The following SYNPO2 variants were observed in gnomAD, a reference collection of about 807,000 sequenced individuals.
SYNPO2 encodes synaptopodin-2.
SYNPO2 carries 56 observed loss-of-function variants against 85.0 expected under a neutral mutation model. That is an observed-to-expected ratio of 0.66 (90% confidence interval 0.53 to 0.82). The LOEUF (loss-of-function observed/expected upper bound fraction) is 0.82, where lower values mean the gene tolerates loss of function less well. SYNPO2 is among the 40% of genes least tolerant of loss of function. The pLI is 0.00. For synonymous variants in SYNPO2, 602 were observed against 591.1 expected (o/e 1.02, Z -0.27); for missense variants, 1,575 against 1,534.2 (o/e 1.03, Z -0.44).
chr4:119,011,030 TAGG>T (rs1329999493), intron 1 of SYNPO2, among the ~76,000 whole-genome samples: 2 of 152,200 alleles, frequency 1.3e-5, no homozygotes, highest in Non-Finnish European at 2.9e-5. Flanking sequence ...CTGAAATAAA[TAGG>T]AGAACTATTA....
At chr4:118,896,463 A>C (rs1184901325) in intron 1 of SYNPO2, among the ~76,000 whole-genome samples, 1 of 152,234 alleles carries the variant, frequency 6.6e-6, no homozygotes, top group Non-Finnish European at 1.5e-5. Context: ...AATTTCTGAA[A>C]CAGATTCATT....
chr4:118,934,986 A>C (rs1273187433), intron 1 of SYNPO2, among the ~76,000 whole-genome samples: 2 of 152,200 alleles, frequency 1.3e-5, no homozygotes, highest in Non-Finnish European at 2.9e-5. Flanking sequence ...TATATATTAA[A>C]ATATTAATAG....
rs10031000 is a variant in SYNPO2, at chr4:118,996,324, A to T, written c.106-27106A>T. Among the ~76,000 whole-genome samples the T allele has an allele frequency of 3.9e-5, 6 of 152,092 alleles. No homozygotes were observed. In the East Asian group the frequency reaches 1.2e-3, roughly 29 times the overall value. ...TCCTCTAGAAAGGTTTCCCAAAATG[A>T]TCAGCCACCCCCTTCGTCCACCACT... On this transcript the variant is annotated intron_variant, in intron 1 of 4. Coordinates refer to ENST00000307142, the MANE Select transcript of SYNPO2 (RefSeq NM_133477.3).
rs761304513 is a variant in SYNPO2, at chr4:119,057,522, C to G, written c.3374C>G (p.Ala1125Gly). ...AAACCAACCGATGGACTAGAGAAAG[C>G]AAACAAGAGACCAACTCCTTGGGAA... ...SSKPTDGLEK[A>G]NKRPTPWEAA... The change falls in exon 5 of 5, where the codon GCA becomes GGA. Residue 1125 changes from alanine (A) to glycine (G), a missense_variant. Coordinates refer to ENST00000307142, the MANE Select transcript of SYNPO2 (RefSeq NM_133477.3). 1.9e-6 allele frequency: 3 copies of G among 1,614,078 alleles called. No individual in the cohort carries two copies. Among genetic ancestry groups the G allele is most frequent in the South Asian group, 1.1e-5 (1 of 91,064 alleles).
intron 1 of SYNPO2, among the ~76,000 whole-genome samples, chr4:118,984,522 C>T (rs1361588543): frequency 6.6e-6 from 1 of 152,186 alleles, no homozygotes; most frequent in Non-Finnish European, 1.5e-5. Flanking sequence ...CTCTGACACA[C>T]TCCACAGGCC....
At chr4:119,054,214 T>C (rs1366311344) in intron 4 of SYNPO2, among the ~76,000 whole-genome samples, 1 of 152,230 alleles carries the variant, frequency 6.6e-6, no homozygotes, top group Admixed American at 6.5e-5. Flanking sequence ...GTGGGGGTGC[T>C]TGCGACCCCA....
intron 3 of SYNPO2, among the ~76,000 whole-genome samples, chr4:119,028,239 T>A (rs1339547469): frequency 2.2e-5 from 3 of 136,312 alleles, no homozygotes; most frequent in African/African-American, 7.9e-5. Flanking sequence ...TTTTTTTTTT[T>A]ACTAATTTTG....
intron 1 of SYNPO2, among the ~76,000 whole-genome samples, chr4:118,917,323 A>C (rs1014927532): frequency 1.3e-5 from 2 of 152,146 alleles, no homozygotes; most frequent in African/African-American, 4.8e-5. Context: ...CCCAGGAGGC[A>C]GAGTTTGCAG....
Position 118,915,546 on chromosome 4 carries a change from T to C in SYNPO2, c.105+26405T>C, listed in dbSNP as rs78827565. On this transcript the variant is annotated intron_variant, in intron 1 of 4. Coordinates refer to ENST00000307142, the MANE Select transcript of SYNPO2 (RefSeq NM_133477.3). Reference sequence around the variant, plus strand: ...TTAATTTATTTTTTCTAATGTGTAATATTTCATTGTGTGAGTATCCCGCAG... The same window carrying C: ...TTAATTTATTTTTTCTAATGTGTAACATTTCATTGTGTGAGTATCCCGCAG... Among the ~76,000 whole-genome samples, 749 of 152,324 alleles carry C rather than the reference T, an allele frequency of 4.9e-3. 3 individuals are homozygous for C. Among genetic ancestry groups the C allele is most frequent in the African/African-American group, 0.017 (719 of 41,580 alleles).
At chr4:119,038,079 G>A (rs2149195510) in intron 4 of SYNPO2, 1 of 927,166 alleles carries the variant, frequency 1.1e-6, no homozygotes, top group East Asian at 1.2e-4. Flanking sequence ...AGTGGATTAG[G>A]GTTAGATTTA....
At chr4:118,904,538 G>A in intron 1 of SYNPO2, among the ~76,000 whole-genome samples, 1 of 152,276 alleles carries the variant, frequency 6.6e-6, no homozygotes, top group East Asian at 1.9e-4. Flanking sequence ...AATTGTCCTT[G>A]GTAAGTAAAT....
At position 118,990,731 on chromosome 4, in the gene SYNPO2, C is replaced by T. The variant is rs142764912; in HGVS notation, c.106-32699C>T. On this transcript the variant is annotated intron_variant, in intron 1 of 4. Coordinates refer to ENST00000307142, the MANE Select transcript of SYNPO2 (RefSeq NM_133477.3). The stretch of plus-strand genomic sequence containing the variant: ...TCAAGCGATGCTCGTGCCTCAGCCT[C>T]CTGAGTAGCTGGGACTACAGGTGCG... 3.2e-4 allele frequency among the ~76,000 whole-genome samples: 48 copies of T among 152,272 alleles called. 1 individual carries two copies. Among genetic ancestry groups the T allele is most frequent in the African/African-American group, 1.2e-3 (48 of 41,540 alleles).
At chr4:118,971,066 G>C (rs995346678) in intron 1 of SYNPO2, among the ~76,000 whole-genome samples, 1 of 152,204 alleles carries the variant, frequency 6.6e-6, no homozygotes, top group Non-Finnish European at 1.5e-5. Flanking sequence ...TCTGGTGCTA[G>C]TGAAAGGTCC....
At position 119,060,568 on chromosome 4, in the gene SYNPO2, T is replaced by C. The variant is rs1739380331; in HGVS notation, c.*2634T>C. ...ATTCCTATGGGTGAGAAGATGTAGA[T>C]GACTATTGTTCTCACTAAAGTTCTA... On this transcript the variant is annotated 3_prime_UTR_variant, in exon 5 of 5. Transcript: ENST00000307142. 1 of 152,186 alleles carries C rather than the reference T, an allele frequency of 6.6e-6. No individual in the cohort carries two copies. The highest frequency in any genetic ancestry group is 1.5e-5 in the Non-Finnish European group (1 of 68,012). The allele number at this position is 152,186 out of a possible 1,614,324, so 9.4% of individuals were successfully genotyped here.
At chr4:118,871,851 G>C (rs1731809427) in intron 1 of SYNPO2, among the ~76,000 whole-genome samples, 2 of 152,246 alleles carry the variant, frequency 1.3e-5, no homozygotes, top group South Asian at 4.1e-4. Context: ...TTACAGGCGT[G>C]AGCCACCGCA....
chr4:118,869,094 TC>T (rs1224618979), intron 1 of SYNPO2, among the ~76,000 whole-genome samples: 1 of 152,188 alleles, frequency 6.6e-6, no homozygotes, highest in Non-Finnish European at 1.5e-5. Context: ...AGACAGAGTT[TC>T]GCTCTTGTTG....
chr4:118,947,870 C>T (rs1425616696), intron 1 of SYNPO2, among the ~76,000 whole-genome samples: 1 of 152,084 alleles, frequency 6.6e-6, no homozygotes, highest in African/African-American at 2.4e-5. Context: ...ATTGACATGA[C>T]TTAAATAATA....
At chr4:118,914,181 G>A (rs1012758117) in intron 1 of SYNPO2, among the ~76,000 whole-genome samples, 3 of 152,086 alleles carry the variant, frequency 2.0e-5, no homozygotes, top group Admixed American at 6.5e-5. Flanking sequence ...ATTAGAGGAC[G>A]ATGAGCAATT....
intron 1 of SYNPO2, among the ~76,000 whole-genome samples, chr4:118,951,955 C>T (rs1734715987): frequency 6.6e-6 from 1 of 152,154 alleles, no homozygotes; most frequent in Non-Finnish European, 1.5e-5. Flanking sequence ...GCCCACTCTT[C>T]CAAATATAGC....
Sources: allele counts gnomAD v4.1 joint callset (sites outside exome capture counted in the v4.1 genomes callset), GRCh38; gene constraint gnomAD v4.1.1; transcripts MANE v1.5; gene names NCBI Gene and HGNC (gene_info 2026-07-23, HGNC 2026-07-21).